RERE: variants seen among roughly 807,000 people sequenced by gnomAD.
The protein encoded by RERE is arginine-glutamic acid dipeptide repeats protein.
A neutral mutation model predicts 146.1 loss-of-function variants in RERE; 40 were observed. The observed-to-expected ratio is 0.27, with a 90% CI of 0.21 to 0.36. The LOEUF is 0.36. Ranked by LOEUF, RERE falls within the 10% of genes least tolerant of loss-of-function variation. RERE has a pLI of 1.00. For synonymous variants in RERE, 1,003 were observed against 866.0 expected (o/e 1.16, Z -2.78); for missense variants, 1,933 against 2,138.7 (o/e 0.90, Z 1.90).
At chr1:8,438,487 G>C (rs1056540308) in intron 11 of RERE, among the ~76,000 whole-genome samples, 1 of 152,202 alleles carries the variant, frequency 6.6e-6, no homozygotes, top group Admixed American at 6.5e-5. Context: ...CGGAACAGAA[G>C]GTATAGGGAT....
At chr1:8,762,157 G>C (rs1190697533) in intron 1 of RERE, among the ~76,000 whole-genome samples, 1 of 152,136 alleles carries the variant, frequency 6.6e-6, no homozygotes, top group East Asian at 1.9e-4. Flanking sequence ...CCCCTAAGGA[G>C]AGGTCATTGC....
At chr1:8,561,557 C>T (rs1034303623) in intron 4 of RERE, among the ~76,000 whole-genome samples, 2 of 152,170 alleles carry the variant, frequency 1.3e-5, no homozygotes, top group African/African-American at 2.4e-5. Flanking sequence ...TGCTCTCTTT[C>T]CATTCTTACA....
At position 8,662,634 on chromosome 1, in the gene RERE, C is replaced by T. The variant is rs745516727; in HGVS notation, c.-144-6193G>A. On this transcript the variant is annotated intron_variant, in intron 1 of 22. Coordinates refer to ENST00000400908, the MANE Select transcript of RERE (RefSeq NM_001042681.2). ...ATTGTTTGAGGCCAAGAGTTCAAGG[C>T]TACAATGGGCTGTGATCACCACCAC... Among the ~76,000 whole-genome samples the T allele has an allele frequency of 2.0e-5, 3 of 152,092 alleles. No homozygotes were observed. The South Asian group carries it at 6.2e-4, about 31-fold the overall frequency.
intron 6 of RERE, among the ~76,000 whole-genome samples, chr1:8,555,736 T>C (rs1424621738): frequency 6.6e-6 from 1 of 152,192 alleles, no homozygotes; most frequent in Non-Finnish European, 1.5e-5. Context: ...AAATGAGCCA[T>C]TATGGGCATC....
chr1:8,473,320 A>G (rs1233581443), intron 10 of RERE, among the ~76,000 whole-genome samples: 1 of 151,856 alleles, frequency 6.6e-6, no homozygotes, highest in Non-Finnish European at 1.5e-5. Flanking sequence ...CTCACACCAT[A>G]CTCTCTTTGC....
At position 8,815,065 on chromosome 1, in the gene RERE, A is replaced by G. The variant is rs557410567; in HGVS notation, c.-145+2095T>C. Among the ~76,000 whole-genome samples, 393 of 152,314 alleles carry G rather than the reference A, an allele frequency of 2.6e-3. 3 individuals carry two copies. The highest frequency in any genetic ancestry group is 8.9e-3 in the African/African-American group (370 of 41,566). ...ATCCTCTTCGTCTGGATCTTTCCAA[A>G]CAATTAACCAGTAGAAGGTGCTATT... On this transcript the variant is annotated intron_variant, in intron 1 of 22. Transcript: ENST00000400908.
chr1:8,563,178 T>C (rs1471542523), intron 4 of RERE, among the ~76,000 whole-genome samples: 1 of 152,190 alleles, frequency 6.6e-6, no homozygotes, highest in Admixed American at 6.5e-5. Context: ...TTCCTAGAGA[T>C]CTTTCATGAT....
intron 10 of RERE, among the ~76,000 whole-genome samples, chr1:8,485,140 T>C (rs1298475390): frequency 6.6e-6 from 1 of 152,124 alleles, no homozygotes; most frequent in Non-Finnish European, 1.5e-5. Flanking sequence ...GGTGGGCAGA[T>C]CACCTGATGT....
chr1:8,411,342 T>C (rs1403264329), intron 12 of RERE, among the ~76,000 whole-genome samples: 1 of 147,968 alleles, frequency 6.8e-6, no homozygotes, highest in South Asian at 2.1e-4. Context: ...TTTAAAGAGA[T>C]GGGGTCTTGC....
intron 7 of RERE, among the ~76,000 whole-genome samples, chr1:8,528,220 C>CA (rs1469567864): frequency 6.6e-6 from 1 of 152,050 alleles, no homozygotes; most frequent in African/African-American, 2.4e-5. Context: ...TCTAACTCTT[C>CA]AAAAAGGTCG....
At chr1:8,651,400 ACT>A (rs1051589625) in intron 2 of RERE, among the ~76,000 whole-genome samples, 18 of 151,708 alleles carry the variant, frequency 1.2e-4, no homozygotes, top group Middle Eastern at 6.8e-3. Context: ...ACAGAGTGAG[ACT>A]CTCTGTTTTT....
intron 7 of RERE, among the ~76,000 whole-genome samples, chr1:8,524,001 C>A (rs1645539370): frequency 1.3e-5 from 2 of 152,216 alleles, no homozygotes; most frequent in African/African-American, 4.8e-5. Context: ...AAATGTGAGT[C>A]CTGCCCAGAT....
chr1:8,746,798 G>T (rs545519154), intron 1 of RERE, among the ~76,000 whole-genome samples: 1 of 148,484 alleles, frequency 6.7e-6, no homozygotes, highest in Non-Finnish European at 1.5e-5. Flanking sequence ...GTGTGGGAGC[G>T]TGTATGGGGG....
intron 12 of RERE, among the ~76,000 whole-genome samples, chr1:8,398,951 A>C (rs1643154550): frequency 6.6e-6 from 1 of 152,158 alleles, no homozygotes; most frequent in Non-Finnish European, 1.5e-5. Flanking sequence ...TGTAAATATA[A>C]CGGGTGTGAA....
intron 1 of RERE, among the ~76,000 whole-genome samples, chr1:8,692,958 C>G (rs1639240672): frequency 6.6e-6 from 1 of 152,040 alleles, no homozygotes; most frequent in Admixed American, 6.6e-5. Flanking sequence ...ATTTATGGTC[C>G]TCGTTTCTCC....
Position 8,360,535 on chromosome 1 carries a change from A to T in RERE, c.2972T>A (p.Met991Lys). Residue 991 changes from methionine (M) to lysine (K), a missense_variant, in exon 18 of 23, where the codon ATG (methionine) becomes AAG (lysine). Coordinates refer to ENST00000400908, the MANE Select transcript of RERE (RefSeq NM_001042681.2). The stretch of plus-strand genomic sequence containing the variant: ...GGAGGGCAATGGCTGGCTCTGAGGC[A>T]TGAGTTGCAGGGGTGGGGGGTGAGC... ...PSAHPPPLQL[M>K]PQSQPLPSSP... 1 of 806,242 alleles carries T rather than the reference A, an allele frequency of 1.2e-6. No homozygotes were observed. The highest frequency in any genetic ancestry group is 1.6e-6 in the Non-Finnish European group (1 of 635,258). The allele number at this position is 806,242 out of a possible 1,614,324, so 49.9% of individuals were successfully genotyped here.
At chr1:8,548,517 C>T (rs890488151) in intron 6 of RERE, among the ~76,000 whole-genome samples, 1 of 151,940 alleles carries the variant, frequency 6.6e-6, no homozygotes, top group South Asian at 2.1e-4. Context: ...ACTATAAGAC[C>T]GAAAACAAAA....
chr1:8,534,217 A>C (rs1645694000), intron 7 of RERE, among the ~76,000 whole-genome samples: 1 of 152,246 alleles, frequency 6.6e-6, no homozygotes. Flanking sequence ...TTTCCACTTA[A>C]GTATAAAGAT....
intron 12 of RERE, among the ~76,000 whole-genome samples, chr1:8,417,071 G>T (rs955554395): frequency 6.6e-6 from 1 of 152,178 alleles, no homozygotes; most frequent in Non-Finnish European, 1.5e-5. Flanking sequence ...AGCATCAACC[G>T]ACTAAGGAAG....
Sources: gnomAD v4.1 joint callset for allele counts (sites outside exome capture counted in the v4.1 genomes callset) on GRCh38, gnomAD v4.1.1 for gene constraint, MANE v1.5 for transcripts, NCBI Gene and HGNC (gene_info 2026-07-23, HGNC 2026-07-21) for gene names.